HNRNPM: variants seen among roughly 807,000 people sequenced by gnomAD.
HNRNPM encodes CEA receptor.
A neutral mutation model predicts 73.1 loss-of-function variants in HNRNPM; 11 were observed. The observed-to-expected ratio is 0.15, with a 90% CI of 0.09 to 0.25. The LOEUF (loss-of-function observed/expected upper bound fraction) is 0.25. Among genes scored for constraint, HNRNPM ranks in the 10% least tolerant of loss-of-function variants. The probability of loss-of-function intolerance (pLI) is 1.00; values close to 1 mark genes in which losing one functional copy is unlikely to be tolerated. For missense variants in HNRNPM, 789 were observed against 1,067.9 expected (o/e 0.74, Z 3.64); for synonymous variants, 407 against 355.2 (o/e 1.15, Z -1.64).
intron 11 of HNRNPM, 24 bp from the exon 12 acceptor site, chr19:8,474,143 C>G (rs1254928290): frequency 1.3e-6 from 2 of 1,550,998 alleles, no homozygotes; most frequent in East Asian, 2.4e-5. Flanking sequence ...TTGGATGATG[C>G]TGAAATGTGA....
intron 12 of HNRNPM, chr19:8,482,758 T>TTA (rs1348749074): frequency 6.2e-6 from 1 of 161,492 alleles, no homozygotes; most frequent in Non-Finnish European, 1.3e-5. Flanking sequence ...GGGTGGGGGC[T>TTA]TACTTTCCAG....
rs1167500631 is a variant in HNRNPM at position 8,445,072 on chromosome 19, C to T, written c.74C>T (p.Pro25Leu). The change falls in exon 1 of 16, where the codon CCC becomes CTC. Residue 25 changes from proline to leucine, a missense_variant. Pro to Leu is a moderately conservative substitution (Grantham distance 98). Transcript: ENST00000325495. The part of the protein sequence containing the change: ...EIKMEEESGA[P>L]GVPSGNGAPG... ...AAAATGGAGGAAGAGAGCGGCGCGC[C>T]CGGCGTGCCGAGCGGCAACGGGGCT... 6.3e-6 allele frequency: 9 copies of T among 1,421,390 alleles called. No homozygotes were observed. In the East Asian group the frequency reaches 2.6e-4, roughly 41 times the overall value. 88.0% of individuals were successfully genotyped at this position (1,421,390 alleles called of 1,614,324 possible). A position where few individuals can be genotyped will look rare whatever the true frequency, so the allele number is the denominator to read the frequency against.
At chr19:8,485,520 C>T in intron 13 of HNRNPM, 83 bp from the exon 14 acceptor site, 1 of 1,348,104 alleles carries the variant, frequency 7.4e-7, no homozygotes, top group South Asian at 1.3e-5. Context: ...GATCCATGCC[C>T]ATGAGCTGAA....
chr19:8,445,970 C>A (rs1394416370), intron 1 of HNRNPM, among the ~76,000 whole-genome samples: 1 of 152,198 alleles, frequency 6.6e-6, no homozygotes, highest in Non-Finnish European at 1.5e-5. Context: ...GACTCCTTGG[C>A]TTTTAAAAGT....
intron 12 of HNRNPM, among the ~76,000 whole-genome samples, chr19:8,477,414 T>C (rs1385266467): frequency 6.6e-6 from 1 of 152,010 alleles, no homozygotes; most frequent in Non-Finnish European, 1.5e-5. Flanking sequence ...TCCCAACACT[T>C]TGGGAGGCTG....
chr19:8,475,875 C>T (rs1010640021), intron 12 of HNRNPM, among the ~76,000 whole-genome samples: 5 of 149,948 alleles, frequency 3.3e-5, no homozygotes, highest in Non-Finnish European at 7.4e-5. Context: ...CAAGATCAGC[C>T]TAGGCAACAC....
intron 1 of HNRNPM, among the ~76,000 whole-genome samples, chr19:8,448,280 C>T (rs139010885): frequency 1.4e-3 from 218 of 152,148 alleles, no homozygotes; most frequent in African/African-American, 4.9e-3. Context: ...TTACTTCTCT[C>T]CTGGGTGTGA....
intron 2 of HNRNPM, among the ~76,000 whole-genome samples, chr19:8,458,980 A>G (rs370421318): frequency 5.3e-5 from 8 of 152,270 alleles, no homozygotes; most frequent in African/African-American, 1.9e-4. Flanking sequence ...TCTTTTGCCC[A>G]GGCTGGAATG....
At chr19:8,468,143 T>A (rs1969885187) in intron 8 of HNRNPM, among the ~76,000 whole-genome samples, 1 of 152,248 alleles carries the variant, frequency 6.6e-6, no homozygotes, top group Admixed American at 6.5e-5. Context: ...CACCTGGGTA[T>A]CCTGGTTGAG....
intron 12 of HNRNPM, among the ~76,000 whole-genome samples, chr19:8,482,347 C>T (rs994315656): frequency 6.6e-6 from 1 of 152,112 alleles, no homozygotes; most frequent in African/African-American, 2.4e-5. Context: ...TACTTTGAGA[C>T]CAGAGCGGGT....
chr19:8,464,634 A>G (rs1434877474), intron 5 of HNRNPM, among the ~76,000 whole-genome samples: 1 of 152,216 alleles, frequency 6.6e-6, no homozygotes, highest in Non-Finnish European at 1.5e-5. Flanking sequence ...CTCTGTCTCA[A>G]AAAAACATCC....
intron 4 of HNRNPM, 23 bp from the exon 5 acceptor site, chr19:8,463,570 C>CT: frequency 6.2e-7 from 1 of 1,612,302 alleles, no homozygotes; most frequent in Non-Finnish European, 8.5e-7. Context: ...TTTCACTCGA[C>CT]TCGTTTCCTT....
At chr19:8,448,248 G>T (rs1021782850) in intron 1 of HNRNPM, among the ~76,000 whole-genome samples, 2 of 152,162 alleles carry the variant, frequency 1.3e-5, no homozygotes, top group Admixed American at 1.3e-4. Flanking sequence ...TGGGAACCCA[G>T]GTTGGAAATC....
rs573205773 is a variant in HNRNPM, at chr19:8,462,020, G to A, written c.284-509G>A. ...AGTGCGGGGCTCTGTACAATTGCAC[G>A]AGTTGCTCACCTGTGAAGCTGGCCC... On this transcript the variant is annotated intron_variant, in intron 2 of 15. Coordinates refer to ENST00000325495, the MANE Select transcript of HNRNPM (RefSeq NM_005968.5). The surrounding 1 kb of genome is among the most constrained non-coding windows in gnomAD (Gnocchi z 4.5). 230 of 155,410 alleles carry A rather than the reference G, an allele frequency of 1.5e-3. 2 individuals carry two copies. Among genetic ancestry groups the A allele is most frequent in the Middle Eastern group, 0.01 (3 of 296 alleles). 9.6% of individuals were successfully genotyped at this position (155,410 alleles called of 1,614,324 possible).
intron 12 of HNRNPM, among the ~76,000 whole-genome samples, chr19:8,475,240 C>T (rs1970419614): frequency 6.6e-6 from 1 of 151,790 alleles, no homozygotes; most frequent in Non-Finnish European, 1.5e-5. Context: ...ATGTGGGAAT[C>T]CTGCCTTTTA....
At chr19:8,467,830 G>A (rs575573437) in intron 8 of HNRNPM, among the ~76,000 whole-genome samples, 1 of 152,250 alleles carries the variant, frequency 6.6e-6, no homozygotes, top group East Asian at 1.9e-4. Context: ...TTCGACACCA[G>A]CCTGACCAAC....
In HNRNPM at chr19:8,488,666, G is replaced by C. The variant is rs776388708; in HGVS notation, c.2030-25G>C. ...TCTAACAAAATCGGGACTGAGTGTC[G>C]TCTCTTCTTCCCTCCCTGTCCTAGG... On this transcript the variant is annotated intron_variant, in intron 15 of 15. Coordinates refer to ENST00000325495, the MANE Select transcript of HNRNPM (RefSeq NM_005968.5). 4.7e-5 allele frequency: 75 copies of C among 1,595,022 alleles called. No individual in the cohort carries two copies. The South Asian group carries it at 6.8e-4, about 14-fold the overall frequency.
chr19:8,446,101 G>A (rs1470922040), intron 1 of HNRNPM, among the ~76,000 whole-genome samples: 1 of 152,236 alleles, frequency 6.6e-6, no homozygotes, highest in African/African-American at 2.4e-5. Context: ...GGAAGGGGAA[G>A]CCTGGGTACA....
intron 1 of HNRNPM, among the ~76,000 whole-genome samples, chr19:8,450,727 ATTT>A (rs770745543): frequency 2.4e-5 from 3 of 125,396 alleles, no homozygotes; most frequent in African/African-American, 8.0e-5. Context: ...TATTATTATT[ATTT>A]TTTTTTTTTT....
Sources: gnomAD v4.1 joint callset for allele counts (sites outside exome capture counted in the v4.1 genomes callset) on GRCh38, gnomAD v4.1.1 for gene constraint, Gnocchi (gnomAD v3.1) non-coding constraint, MANE v1.5 for transcripts, NCBI Gene and HGNC (gene_info 2026-07-23, HGNC 2026-07-21) for gene names.